Variants in FAM219A observed in about 807,000 individuals in gnomAD.
FAM219A encodes family with sequence similarity 219 member A.
Under a neutral mutation model 23.4 loss-of-function variants are expected in FAM219A, and 7 were observed. The observed-to-expected ratio is 0.30, with a 90% confidence interval of 0.17 to 0.56. The LOEUF is 0.56. Among genes scored for constraint, FAM219A ranks in the 20% least tolerant of loss-of-function variants. The pLI is 0.92. For missense variants in FAM219A, 166 were observed against 246.9 expected (o/e 0.67, Z 2.20); for synonymous variants, 93 against 99.0 (o/e 0.94, Z 0.36).
At chr9:34,434,988 T>C (rs769783889) in intron 1 of FAM219A, among the ~76,000 whole-genome samples, 1 of 151,918 alleles carries the variant, frequency 6.6e-6, no homozygotes, top group Non-Finnish European at 1.5e-5. Flanking sequence ...TCTGGCTAAC[T>C]TTTTGTATTT....
intron 1 of FAM219A, among the ~76,000 whole-genome samples, chr9:34,422,987 AG>A (rs1457276607): frequency 6.6e-6 from 1 of 152,158 alleles, no homozygotes; most frequent in Non-Finnish European, 1.5e-5. Flanking sequence ...GCAACATAGT[AG>A]GACTCCATTT....
intron 1 of FAM219A, among the ~76,000 whole-genome samples, chr9:34,448,009 C>T (rs1392913372): frequency 1.3e-5 from 2 of 152,018 alleles, no homozygotes; most frequent in Non-Finnish European, 2.9e-5. Context: ...ATGGCTAGGA[C>T]TACAGGCATG....
chr9:34,418,113 C>G (rs1262038292), intron 1 of FAM219A, among the ~76,000 whole-genome samples: 3 of 151,880 alleles, frequency 2.0e-5, no homozygotes, highest in Non-Finnish European at 4.4e-5. Flanking sequence ...CTCCTATTAC[C>G]CTACCTATTA....
chr9:34,438,053 G>A (rs1349851512), intron 1 of FAM219A, among the ~76,000 whole-genome samples: 1 of 152,240 alleles, frequency 6.6e-6, no homozygotes, highest in Non-Finnish European at 1.5e-5. Context: ...GGGGCAATGA[G>A]GGGCTTAGCA....
chr9:34,407,667 T>C (rs1049973027), intron 1 of FAM219A, among the ~76,000 whole-genome samples: 1 of 152,206 alleles, frequency 6.6e-6, no homozygotes, highest in African/African-American at 2.4e-5. Flanking sequence ...CAAGCATCAG[T>C]CTGCATATTA....
intron 1 of FAM219A, among the ~76,000 whole-genome samples, chr9:34,440,799 C>T (rs1463989480): frequency 2.7e-5 from 4 of 149,892 alleles, no homozygotes; most frequent in African/African-American, 7.4e-5. Context: ...GCAAGTGAGC[C>T]GAGATCGCGC....
intron 1 of FAM219A, among the ~76,000 whole-genome samples, chr9:34,411,676 CAAA>C (rs55988337): frequency 2.6e-5 from 3 of 114,584 alleles, no homozygotes; most frequent in Non-Finnish European, 3.7e-5. Context: ...GACTCCGTCT[CAAA>C]AAAAAAAAAA....
chr9:34,435,497 C>G (rs1378652094), intron 1 of FAM219A, among the ~76,000 whole-genome samples: 2 of 152,172 alleles, frequency 1.3e-5, no homozygotes, highest in African/African-American at 4.8e-5. Flanking sequence ...AAGGTGAATA[C>G]AGAACATGAA....
At chr9:34,440,805 C>T (rs942959437) in intron 1 of FAM219A, among the ~76,000 whole-genome samples, 3 of 150,636 alleles carry the variant, frequency 2.0e-5, no homozygotes, top group Non-Finnish European at 4.4e-5. Context: ...GAGCCGAGAT[C>T]GCGCCACTGC....
At chr9:34,416,125 A>G (rs1366099925) in intron 1 of FAM219A, among the ~76,000 whole-genome samples, 1 of 151,194 alleles carries the variant, frequency 6.6e-6, no homozygotes, top group African/African-American at 2.4e-5. Context: ...GGAGTGAGCT[A>G]TGATTGTGCC....
At chr9:34,439,000 G>A (rs190424946) in intron 1 of FAM219A, among the ~76,000 whole-genome samples, 113 of 151,860 alleles carry the variant, frequency 7.4e-4, no homozygotes, top group Middle Eastern at 6.8e-3. Context: ...TGAAACCAGC[G>A]AGACCACGAG....
Position 34,402,465 on chromosome 9 carries a change from A to T in FAM219A, c.266T>A (p.Leu89Gln). ...GGAGTAGCCTTTATTGGGGACGACC[A>T]GCCTAGGTGAAGAATTTCGGGAGTT... is the stretch of plus-strand genomic sequence containing the variant. ...KKNNVMARTRLVVPNKGYSSL... is the reference protein window; with the variant it reads ...KKNNVMARTRQVVPNKGYSSL... The change falls in exon 4 of 6, where the codon CTG (leucine) becomes CAG (glutamine). Residue 89 changes from leucine to glutamine, a missense_variant and splice_region_variant. Coordinates refer to ENST00000651358, the MANE Select transcript of FAM219A (RefSeq NM_001184940.2). 1 of 1,614,178 alleles carries T rather than the reference A, an allele frequency of 6.2e-7. No homozygotes were observed. The highest frequency in any genetic ancestry group is 8.5e-7 in the Non-Finnish European group (1 of 1,180,026).
intron 1 of FAM219A, among the ~76,000 whole-genome samples, chr9:34,413,389 C>T (rs1235420748): frequency 6.6e-6 from 1 of 152,106 alleles, no homozygotes; most frequent in African/African-American, 2.4e-5. Context: ...TCATCTGTCA[C>T]CCAGCCATGA....
intron 1 of FAM219A, among the ~76,000 whole-genome samples, chr9:34,425,782 G>A (rs949550945): frequency 3.3e-5 from 5 of 152,088 alleles, no homozygotes; most frequent in Admixed American, 2.0e-4. Flanking sequence ...CTGACCTTGC[G>A]GACCTACTGC....
chr9:34,413,234 T>A (rs1388480718), intron 1 of FAM219A, among the ~76,000 whole-genome samples: 1 of 131,374 alleles, frequency 7.6e-6, no homozygotes. Flanking sequence ...AGAAAGGGGG[T>A]GGAAAGTTAG....
chr9:34,398,477 C>G lies in FAM219A; in HGVS notation c.*2487G>C. 8.5e-7 allele frequency: 1 copy of G among 1,176,372 alleles called. No individual in the cohort carries two copies. Among genetic ancestry groups the G allele is most frequent in the Admixed American group, 2.2e-5 (1 of 46,232 alleles). 72.9% of individuals were successfully genotyped at this position (1,176,372 alleles called of 1,614,324 possible). A position where few individuals can be genotyped will look rare whatever the true frequency, so the allele number is the denominator to read the frequency against. On this transcript the variant is annotated 3_prime_UTR_variant, in exon 6 of 6. Transcript: ENST00000651358. ...CAGACAGGGAAGGAGGGAGCCACAC[C>G]CCTCCCTAGACACAGAAGCTGCCAC...
At chr9:34,415,635 G>C (rs1316875714) in intron 1 of FAM219A, among the ~76,000 whole-genome samples, 2 of 152,306 alleles carry the variant, frequency 1.3e-5, no homozygotes, top group Admixed American at 6.5e-5. Context: ...CCTTCTTTGG[G>C]AGTTGGTGCT....
In FAM219A at chr9:34,457,142, C is replaced by T. The variant is rs1020010789; in HGVS notation, c.60+1062G>A. On this transcript the variant is annotated intron_variant, in intron 1 of 5. Transcript: ENST00000651358. The surrounding 1 kb of genome is among the most constrained non-coding windows in gnomAD (Gnocchi z 5.1). Reference sequence around the variant, plus strand: ...GGCATCCACACTTTCGGATTTGTAGCCCACCTTGCCTCCTTCCAATTCCAG... The same window carrying T: ...GGCATCCACACTTTCGGATTTGTAGTCCACCTTGCCTCCTTCCAATTCCAG... Among the ~76,000 whole-genome samples the T allele has an allele frequency of 2.0e-5, 3 of 152,216 alleles. No homozygotes were observed. Among genetic ancestry groups the T allele is most frequent in the Non-Finnish European group, 4.4e-5 (3 of 68,032 alleles).
At chr9:34,425,185 TA>T (rs1822412082) in intron 1 of FAM219A, among the ~76,000 whole-genome samples, 1 of 152,016 alleles carries the variant, frequency 6.6e-6, no homozygotes, top group African/African-American at 2.4e-5. Context: ...TAGTTTTCTG[TA>T]AAAATAAACA....
Sources: allele counts gnomAD v4.1 joint callset (sites outside exome capture counted in the v4.1 genomes callset), GRCh38; gene constraint gnomAD v4.1.1; non-coding constraint Gnocchi (gnomAD v3.1); transcripts MANE v1.5; gene names NCBI Gene and HGNC (gene_info 2026-07-23, HGNC 2026-07-21).